SGSM1: variants seen among roughly 807,000 people sequenced by gnomAD.
SGSM1 encodes RUN and TBC1 domain containing 2.
A neutral mutation model predicts 133.8 loss-of-function variants in SGSM1; 73 were observed. The observed-to-expected ratio is 0.55, with a 90% confidence interval of 0.45 to 0.66. SGSM1 has a LOEUF of 0.66. SGSM1 is among the 30% of genes least tolerant of loss of function. SGSM1 has a pLI of 0.00. For missense variants in SGSM1, 1,213 were observed against 1,448.1 expected, an observed-to-expected ratio of 0.84 and a Z score of 2.64; for synonymous variants, 563 against 573.0, an observed-to-expected ratio of 0.98 and a Z score of 0.25.
chr22:24,834,186 T>C (rs1437706231), intron 2 of SGSM1, among the ~76,000 whole-genome samples: 3 of 152,214 alleles, frequency 2.0e-5, no homozygotes, highest in Non-Finnish European at 2.9e-5. Context: ...AGCCACTGTG[T>C]ATGGGAGTTG....
At chr22:24,857,447 TTTTTG>T (rs911529397) in intron 8 of SGSM1, among the ~76,000 whole-genome samples, 9 of 151,368 alleles carry the variant, frequency 5.9e-5, no homozygotes, top group Non-Finnish European at 1.0e-4. Context: ...ATATACAGTG[TTTTTG>T]TTTTGTTTTG....
intron 2 of SGSM1, among the ~76,000 whole-genome samples, chr22:24,810,196 A>G (rs1601878931): frequency 6.6e-6 from 1 of 152,190 alleles, no homozygotes; most frequent in South Asian, 2.1e-4. Context: ...TGTTCACTGC[A>G]CAATCTTAGA....
At chr22:24,874,595 T>G (rs774932643) in intron 12 of SGSM1, 1 of 1,569,934 alleles carries the variant, frequency 6.4e-7, no homozygotes, top group Non-Finnish European at 8.6e-7. Context: ...GTCTGGGATC[T>G]CCCCGTCCCC....
At chr22:24,910,240 G>C (rs867308953) in intron 21 of SGSM1, among the ~76,000 whole-genome samples, 4 of 151,432 alleles carry the variant, frequency 2.6e-5, no homozygotes, top group Non-Finnish European at 5.9e-5. Flanking sequence ...TTTGGGGTTG[G>C]GGGGGTAAAG....
At chr22:24,813,658 GC>G (rs3215577) in intron 2 of SGSM1, 23,956 of 152,204 alleles carry the variant, frequency 0.16, 2,188 homozygotes, top group South Asian at 0.25. Flanking sequence ...TCCACCCGAT[GC>G]GTTTTGATGC....
intron 4 of SGSM1, among the ~76,000 whole-genome samples, chr22:24,849,278 G>A (rs919299648): frequency 2.0e-5 from 3 of 151,828 alleles, no homozygotes; most frequent in Non-Finnish European, 4.4e-5. Context: ...TTGCGGCCAG[G>A]TGCGGTGGCT....
rs766453029 is a variant in SGSM1, at chr22:24,893,496, C to A, written c.1836C>A (p.Ile612=). Residue 612 remains isoleucine, a synonymous_variant, in exon 17 of 25, where the codon ATC becomes ATA. Transcript: ENST00000400358. Reference sequence around the variant, plus strand: ...CTGAGTGGCTGGGCTGCGAGGCGATCGTGCGGCAGAGGGAGCGGGAGTCCC... The same window carrying A: ...CTGAGTGGCTGGGCTGCGAGGCGATAGTGCGGCAGAGGGAGCGGGAGTCCC... ...TMAEWLGCEA[I]VRQRERESHA... is the part of the protein sequence containing the mutation. 15 of 1,613,684 alleles carry A rather than the reference C, an allele frequency of 9.3e-6. No homozygotes were observed. In the Admixed American group the frequency reaches 2.2e-4, roughly 23 times the overall value.
intron 11 of SGSM1, 70 bp from the exon 12 acceptor site, chr22:24,868,653 A>T (rs972046675): frequency 2.4e-5 from 39 of 1,608,324 alleles, no homozygotes; most frequent in Non-Finnish European, 3.2e-5. Context: ...CTCCACTGAT[A>T]CCCTCAGACT....
At chr22:24,914,501 G>T (rs1438513836) in intron 22 of SGSM1, among the ~76,000 whole-genome samples, 1 of 151,342 alleles carries the variant, frequency 6.6e-6, no homozygotes, top group African/African-American at 2.4e-5. Context: ...ATTAACCATA[G>T]ATTTTTCATT....
At chr22:24,914,966 C>T (rs186384822) in intron 22 of SGSM1, among the ~76,000 whole-genome samples, 4 of 152,202 alleles carry the variant, frequency 2.6e-5, no homozygotes, top group Admixed American at 2.0e-4. Flanking sequence ...CGGTTTCTCA[C>T]GCTTGTAATC....
rs767328643 is a variant in SGSM1 at position 24,869,261 on chromosome 22, C to T, written c.1291+406C>T. Among the ~76,000 whole-genome samples the T allele has an allele frequency of 2.8e-4, 43 of 152,202 alleles. 1 individual carries two copies. The highest frequency in any genetic ancestry group is 4.0e-4 in the Non-Finnish European group (27 of 68,040). ...GTGGCTCATACCCGTAATCCTGGCA[C>T]TTTGAGAGGCCGAAATTTGGGAGGG... On this transcript the variant is annotated intron_variant, in intron 12 of 24. Transcript: ENST00000400358.
chr22:24,806,953 C>T (rs989292842), intron 2 of SGSM1, among the ~76,000 whole-genome samples: 1 of 152,182 alleles, frequency 6.6e-6, no homozygotes, highest in African/African-American at 2.4e-5. Context: ...TTCCCAGCCC[C>T]CGAATTCTCA....
rs556400454 is a variant in SGSM1, at chr22:24,830,717, T to C, written c.64-14180T>C. Among the ~76,000 whole-genome samples, 61 of 59,004 alleles carry C rather than the reference T, an allele frequency of 1.0e-3. No individual in the cohort carries two copies. In the Admixed American group the frequency reaches 0.012, roughly 11 times the overall value. The allele number at this position is 59,004 out of a possible 152,430, so 38.7% of individuals were successfully genotyped here. On this transcript the variant is annotated intron_variant, in intron 2 of 24. Coordinates refer to ENST00000400358, the MANE Select transcript of SGSM1 (RefSeq NM_001098497.3). ...AGGAAGCTTTTCCTTTCGCTTGAACTCTAATGAACTTTGAGCGTGCATGAG... is the reference window on the plus strand; with the variant it reads ...AGGAAGCTTTTCCTTTCGCTTGAACCCTAATGAACTTTGAGCGTGCATGAG...
At chr22:24,855,250 G>T in intron 6 of SGSM1, 35 bp from the exon 7 acceptor site, 2 of 1,592,002 alleles carry the variant, frequency 1.3e-6, no homozygotes, top group South Asian at 1.1e-5. Flanking sequence ...GGACTTTCCG[G>T]GGCAGTGGGT....
At chr22:24,846,408 A>G (rs1930152775) in intron 3 of SGSM1, among the ~76,000 whole-genome samples, 1 of 152,046 alleles carries the variant, frequency 6.6e-6, no homozygotes, top group Non-Finnish European at 1.5e-5. Flanking sequence ...GTGTATATAT[A>G]CATATATATG....
intron 14 of SGSM1, among the ~76,000 whole-genome samples, chr22:24,879,784 A>ATCACCAC (rs1932227939): frequency 6.6e-6 from 1 of 152,136 alleles, no homozygotes; most frequent in South Asian, 2.1e-4. Context: ...ATTTGGTTTA[A>ATCACCAC]TCACCACTGC....
At chr22:24,920,045 C>T in intron 24 of SGSM1, 52 bp downstream of exon 24, 1 of 1,539,910 alleles carries the variant, frequency 6.5e-7, no homozygotes. Flanking sequence ...CTGGAGGCCC[C>T]TTTTGGGCAT....
chr22:24,866,079 A>T (rs1931441743), intron 9 of SGSM1, among the ~76,000 whole-genome samples: 1 of 152,328 alleles, frequency 6.6e-6, no homozygotes, highest in East Asian at 1.9e-4. Flanking sequence ...GGCCACCACA[A>T]AGCCCAAGTT....
chr22:24,880,252 A>T (rs1007862898), intron 14 of SGSM1, among the ~76,000 whole-genome samples: 2 of 151,796 alleles, frequency 1.3e-5, no homozygotes, highest in Non-Finnish European at 2.9e-5. Flanking sequence ...CTCCTGCCTT[A>T]GCCTCTTGAG....
Sources: allele counts gnomAD v4.1 joint callset (sites outside exome capture counted in the v4.1 genomes callset), GRCh38; gene constraint gnomAD v4.1.1; transcripts MANE v1.5; gene names NCBI Gene and HGNC (gene_info 2026-07-23, HGNC 2026-07-21).